The following CLEC16A variants were observed in gnomAD, a reference collection of about 807,000 sequenced individuals.
CLEC16A encodes C-type lectin domain containing 16A, also known as protein CLEC16A.
CLEC16A carries 51 observed loss-of-function variants against 109.5 expected under a neutral mutation model. That is an observed-to-expected ratio of 0.47 (90% CI 0.37 to 0.59). The LOEUF (loss-of-function observed/expected upper bound fraction) is 0.59. Among genes scored for constraint, CLEC16A ranks in the 20% least tolerant of loss-of-function variants. CLEC16A has a pLI of 0.00. For missense variants in CLEC16A, 1,339 were observed against 1,394.0 expected (o/e 0.96, Z 0.63); for synonymous variants, 673 against 564.2 (o/e 1.19, Z -2.73).
chr16:11,006,355 G>A (rs183900676), intron 11 of CLEC16A, among the ~76,000 whole-genome samples: 66 of 152,306 alleles, frequency 4.3e-4, no homozygotes, highest in African/African-American at 1.6e-3. Context: ...AGAAATAGCA[G>A]ATTTCCCCCT....
chr16:11,179,475 G>A lies in CLEC16A; in HGVS notation c.*785G>A, dbSNP rs969896683. On this transcript the variant is annotated 3_prime_UTR_variant, in exon 24 of 24. Transcript: ENST00000409790. Reference sequence around the variant, plus strand: ...AGCTGAGAGGGCTGAATGGTTTTCTGCTATAGCAGCCGAGAGGCCTCCCAT... The same window carrying A: ...AGCTGAGAGGGCTGAATGGTTTTCTACTATAGCAGCCGAGAGGCCTCCCAT... 6.6e-6 allele frequency: 1 copy of A among 152,206 alleles called. No homozygotes were observed. The highest frequency in any genetic ancestry group is 2.4e-5 in the African/African-American group (1 of 41,444). The allele number at this position is 152,206 out of a possible 1,614,324, so 9.4% of individuals were successfully genotyped here.
At chr16:11,136,547 C>T (rs1038010689) in intron 22 of CLEC16A, among the ~76,000 whole-genome samples, 7 of 152,192 alleles carry the variant, frequency 4.6e-5, no homozygotes, top group African/African-American at 1.7e-4. Flanking sequence ...ACACATTAAT[C>T]AATTAGCACG....
At chr16:11,020,395 G>A in intron 12 of CLEC16A, 70 bp downstream of exon 12, 1 of 1,484,604 alleles carries the variant, frequency 6.7e-7, no homozygotes, top group South Asian at 1.3e-5. Context: ...GGGAGGTTGA[G>A]CCCTAGGGCC....
intron 13 of CLEC16A, among the ~76,000 whole-genome samples, chr16:11,032,556 C>G (rs1490987394): frequency 6.6e-6 from 1 of 152,208 alleles, no homozygotes; most frequent in African/African-American, 2.4e-5. Flanking sequence ...TTAATTGTGA[C>G]TGTGACAAAT....
intron 19 of CLEC16A, 24 bp from the exon 20 acceptor site, chr16:11,120,591 C>A: frequency 6.3e-7 from 1 of 1,593,328 alleles, no homozygotes; most frequent in Non-Finnish European, 8.6e-7. Flanking sequence ...GTGCCTCATT[C>A]TCTTCTCACC....
At chr16:10,973,395 C>T (rs181407516) in intron 7 of CLEC16A, among the ~76,000 whole-genome samples, 1 of 152,090 alleles carries the variant, frequency 6.6e-6, no homozygotes, top group African/African-American at 2.4e-5. Context: ...TAGTGTTTGG[C>T]GATAAAAAGG....
chr16:10,948,137 C>CA (rs1171966461), intron 1 of CLEC16A, among the ~76,000 whole-genome samples: 1 of 152,222 alleles, frequency 6.6e-6, no homozygotes, highest in African/African-American at 2.4e-5. Context: ...TTGTGATCTG[C>CA]CCTCCTTGAC....
chr16:10,992,951 T>G (rs1473487647), intron 10 of CLEC16A, among the ~76,000 whole-genome samples: 1 of 151,874 alleles, frequency 6.6e-6, no homozygotes, highest in Admixed American at 6.6e-5. Context: ...GTTGAGGGGT[T>G]GGGTCGGGGG....
At chr16:11,116,968 T>C (rs1312312479) in intron 19 of CLEC16A, among the ~76,000 whole-genome samples, 1 of 152,218 alleles carries the variant, frequency 6.6e-6, no homozygotes, top group African/African-American at 2.4e-5. Context: ...GAAGAAAATG[T>C]AGTACGTATA....
chr16:10,971,034 C>A, intron 4 of CLEC16A, 91 bp from the exon 5 acceptor site: 166 of 378,658 alleles, frequency 4.4e-4, no homozygotes, highest in East Asian at 5.4e-4. Context: ...TTGTCTTTTT[C>A]TGAAGTCTCT....
At chr16:11,063,950 A>G (rs1340428640) in intron 19 of CLEC16A, among the ~76,000 whole-genome samples, 1 of 150,274 alleles carries the variant, frequency 6.7e-6, no homozygotes, top group Non-Finnish European at 1.5e-5. Context: ...GGGAAGTGGA[A>G]GGAAGTTGAA....
At chr16:11,101,321 G>C (rs8055692) in intron 19 of CLEC16A, among the ~76,000 whole-genome samples, 12 of 152,136 alleles carry the variant, frequency 7.9e-5, no homozygotes, top group African/African-American at 2.7e-4. Flanking sequence ...CCCACCCTCC[G>C]CAGCCTCACC....
intron 18 of CLEC16A, among the ~76,000 whole-genome samples, chr16:11,054,080 G>C (rs1017859772): frequency 1.3e-5 from 2 of 152,270 alleles, no homozygotes; most frequent in Non-Finnish European, 2.9e-5. Flanking sequence ...TGCAGCTGGA[G>C]CCCACAGGAG....
chr16:11,037,694 G>T (rs1242184001), intron 13 of CLEC16A, among the ~76,000 whole-genome samples: 1 of 152,124 alleles, frequency 6.6e-6, no homozygotes, highest in African/African-American at 2.4e-5. Flanking sequence ...GGCCCTTTCT[G>T]CTATCCTCTC....
intron 22 of CLEC16A, among the ~76,000 whole-genome samples, chr16:11,159,818 T>C (rs27839): frequency 0.69 from 104,906 of 152,120 alleles, 37,183 homozygotes; most frequent in African/African-American, 0.83. Flanking sequence ...TTTTCACCTT[T>C]TATTGTCGGG....
At chr16:10,995,156 G>C (rs969925281) in intron 10 of CLEC16A, among the ~76,000 whole-genome samples, 2 of 152,258 alleles carry the variant, frequency 1.3e-5, no homozygotes, top group African/African-American at 4.8e-5. Flanking sequence ...CAGGATGGCT[G>C]TTATTACCTG....
At chr16:11,079,765 C>T (rs1246556778) in intron 19 of CLEC16A, among the ~76,000 whole-genome samples, 3 of 152,166 alleles carry the variant, frequency 2.0e-5, no homozygotes, top group African/African-American at 7.2e-5. Flanking sequence ...TCATAAAACT[C>T]GACTCTCTCC....
intron 11 of CLEC16A, among the ~76,000 whole-genome samples, chr16:11,018,030 C>CGGTGT (rs1567200890): frequency 2.0e-5 from 3 of 149,542 alleles, no homozygotes; most frequent in African/African-American, 7.4e-5. Context: ...AGGTGAAGGC[C>CGGTGT]GGTGTGGTGG....
In CLEC16A at chr16:10,955,827, AGT is replaced by A. The variant is rs1351254379; in HGVS notation, c.81-1952_81-1951del. Reference sequence around the variant, plus strand: ...CAGGCACATGGGGGCCTGCGTGGAGAGTGTCACTGATGGCCACAGCTGGAGTG... The same window carrying A: ...CAGGCACATGGGGGCCTGCGTGGAGAGTCACTGATGGCCACAGCTGGAGTG... On this transcript the variant is annotated intron_variant, in intron 1 of 23. Coordinates refer to ENST00000409790, the MANE Select transcript of CLEC16A (RefSeq NM_015226.3). Among the ~76,000 whole-genome samples, 5 of 152,228 alleles carry A rather than the reference AGT, an allele frequency of 3.3e-5. No individual in the cohort carries two copies. In the East Asian group the frequency reaches 9.7e-4, roughly 29 times the overall value.
Sources: allele counts gnomAD v4.1 joint callset (sites outside exome capture counted in the v4.1 genomes callset), GRCh38; gene constraint gnomAD v4.1.1; transcripts MANE v1.5; gene names NCBI Gene and HGNC (gene_info 2026-07-23, HGNC 2026-07-21).